SDK2: variants seen among roughly 807,000 people sequenced by gnomAD.
SDK2 encodes protein sidekick-2.
A neutral mutation model predicts 253.9 loss-of-function variants in SDK2; 105 were observed. That is an observed-to-expected ratio of 0.41 (90% CI 0.35 to 0.49). SDK2 has a LOEUF of 0.49. Among genes scored for constraint, SDK2 ranks in the 20% least tolerant of loss-of-function variants. The probability of loss-of-function intolerance (pLI) is 0.06; values close to 1 mark genes in which losing one functional copy is unlikely to be tolerated. For missense variants in SDK2, 2,608 were observed against 3,003.0 expected, an observed-to-expected ratio of 0.87 and a Z score of 3.07; for synonymous variants, 1,249 against 1,234.9, an observed-to-expected ratio of 1.01 and a Z score of -0.24.
chr17:73,390,634 T>C (rs1568378645), intron 28 of SDK2, among the ~76,000 whole-genome samples, 153 bp from the exon 29 acceptor site: 3 of 152,222 alleles, frequency 2.0e-5, no homozygotes, highest in Admixed American at 2.0e-4. Context: ...CTGAGGTCTC[T>C]GGGTCACTCT....
intron 1 of SDK2, among the ~76,000 whole-genome samples, chr17:73,549,474 C>T (rs187965391): frequency 4.9e-4 from 74 of 152,260 alleles, no homozygotes; most frequent in East Asian, 1.5e-3. Flanking sequence ...TGCTGGGAAT[C>T]GCAAACAAAG....
chr17:73,572,105 A>T (rs2045396817), intron 1 of SDK2, among the ~76,000 whole-genome samples: 2 of 152,174 alleles, frequency 1.3e-5, no homozygotes, highest in Admixed American at 1.3e-4. Context: ...CTCGGCATTC[A>T]GTGCAGGTGT....
chr17:73,391,857 G>A (rs1178145188), intron 27 of SDK2, among the ~76,000 whole-genome samples: 2 of 152,248 alleles, frequency 1.3e-5, no homozygotes, highest in Non-Finnish European at 2.9e-5. Context: ...CTGGATGGAT[G>A]CGTCAGTGCT....
rs138653621 is a variant in SDK2 at position 73,526,315 on chromosome 17, G to T, written c.65-18718C>A. On this transcript the variant is annotated intron_variant, in intron 1 of 44. Transcript: ENST00000392650. ...CACAGGGGCCGCAAGAGCAGGCCTG[G>T]GTGAGATGAACTCTGATTCAAGCCC... Among the ~76,000 whole-genome samples the T allele has an allele frequency of 8.9e-3, 1,350 of 152,302 alleles. 26 individuals are homozygous for T. Among genetic ancestry groups the T allele is most frequent in the African/African-American group, 0.031 (1,291 of 41,554 alleles).
chr17:73,382,074 G>T (rs554251878), intron 33 of SDK2, among the ~76,000 whole-genome samples: 5 of 152,040 alleles, frequency 3.3e-5, no homozygotes, highest in Non-Finnish European at 5.9e-5. Context: ...AAATTAGCTG[G>T]GCGTGGTAGT....
At chr17:73,474,413 G>A (rs1451322413) in intron 2 of SDK2, among the ~76,000 whole-genome samples, 1 of 152,212 alleles carries the variant, frequency 6.6e-6, no homozygotes, top group African/African-American at 2.4e-5. Context: ...TCCAAGCCTG[G>A]CTGTGAAGCT....
At chr17:73,436,579 A>G (rs1031720288) in intron 8 of SDK2, among the ~76,000 whole-genome samples, 1 of 135,680 alleles carries the variant, frequency 7.4e-6, no homozygotes, top group Admixed American at 7.2e-5. Context: ...TCAGTCTCAA[A>G]AAAAAAAAAA....
rs1211022423 is a variant in SDK2, at chr17:73,455,754, G to C, written c.479+152C>G. On this transcript the variant is annotated intron_variant, in intron 4 of 44. Coordinates refer to ENST00000392650, the MANE Select transcript of SDK2 (RefSeq NM_001144952.2). This position sits in a 1 kb window ranked among gnomAD's most constrained non-coding sequence, Gnocchi z 5.0. ...GCCTGTGCATCCTAAGAAAGCCCCT[G>C]GGAGGTCCCCTACCTGGCTGTGTCC... Among the ~76,000 whole-genome samples the C allele has an allele frequency of 6.6e-6, 1 of 152,192 alleles. No homozygotes were observed. Among genetic ancestry groups the C allele is most frequent in the Admixed American group, 6.5e-5 (1 of 15,284 alleles).
chr17:73,577,826 C>T (rs546140957), intron 1 of SDK2, among the ~76,000 whole-genome samples: 1 of 152,246 alleles, frequency 6.6e-6, no homozygotes, highest in East Asian at 1.9e-4. Flanking sequence ...CCTGTGAATA[C>T]GTTCTGTTAT....
Position 73,379,041 on chromosome 17 carries a change from G to A in SDK2, c.4980+136C>T. The A allele has an allele frequency of 1.5e-6, 1 of 657,370 alleles. No homozygotes were observed. The highest frequency in any genetic ancestry group is 2.6e-5 in the Admixed American group (1 of 38,162). 40.7% of individuals were successfully genotyped at this position (657,370 alleles called of 1,614,324 possible). On this transcript the variant is annotated intron_variant, in intron 36 of 44. Transcript: ENST00000392650. The surrounding 1 kb of genome is among the most constrained non-coding windows in gnomAD (Gnocchi z 4.5). Reference sequence around the variant, plus strand: ...GCCAAGGTGGCAGGTGTACCACAGAGCCTGAAGGGCCGAGGAGCTGGCTGG... The same window carrying A: ...GCCAAGGTGGCAGGTGTACCACAGAACCTGAAGGGCCGAGGAGCTGGCTGG...
chr17:73,394,391 C>A, intron 25 of SDK2, 67 bp from the exon 26 acceptor site: 1 of 1,079,568 alleles, frequency 9.3e-7, no homozygotes, highest in Non-Finnish European at 1.3e-6. Context: ...GGGAAGTGGA[C>A]CAGGACAGGG....
intron 10 of SDK2, among the ~76,000 whole-genome samples, chr17:73,432,499 A>G (rs2063333399): frequency 6.6e-6 from 1 of 152,092 alleles, no homozygotes; most frequent in African/African-American, 2.4e-5. Context: ...TGCCCCTATT[A>G]TCCCCACAAA....
intron 6 of SDK2, among the ~76,000 whole-genome samples, chr17:73,439,075 T>C (rs1273236166): frequency 6.6e-6 from 1 of 152,182 alleles, no homozygotes. Context: ...TGTTACCCAC[T>C]TGGTGATGGA....
rs113308877 is a variant in SDK2, at chr17:73,612,026, T to C, written c.64+31999A>G. ...CTCAGGAGGGAGCCCACATTACCCA[T>C]CAGCCGCCAGGGAAGTCTCCCCACA... On this transcript the variant is annotated intron_variant, in intron 1 of 44. Coordinates refer to ENST00000392650, the MANE Select transcript of SDK2 (RefSeq NM_001144952.2). The surrounding 1 kb of genome is among the most constrained non-coding windows in gnomAD (Gnocchi z 4.4). Among the ~76,000 whole-genome samples the C allele has an allele frequency of 3.3e-5, 5 of 152,242 alleles. 1 individual carries two copies. The highest frequency in any genetic ancestry group is 1.2e-4 in the African/African-American group (5 of 41,518).
intron 37 of SDK2, among the ~76,000 whole-genome samples, chr17:73,367,588 C>T (rs965980743): frequency 2.0e-5 from 3 of 152,008 alleles, no homozygotes; most frequent in Non-Finnish European, 2.9e-5. Context: ...CTGCAACCTC[C>T]ACCTCCCGGG....
intron 2 of SDK2, among the ~76,000 whole-genome samples, chr17:73,477,575 C>G (rs768036529): frequency 6.6e-6 from 1 of 152,190 alleles, no homozygotes; most frequent in Non-Finnish European, 1.5e-5. Context: ...GGGCATCCAG[C>G]GAGGCCGTGG....
At chr17:73,558,662 G>T (rs1223737789) in intron 1 of SDK2, among the ~76,000 whole-genome samples, 1 of 152,168 alleles carries the variant, frequency 6.6e-6, no homozygotes, top group African/African-American at 2.4e-5. Context: ...TCATTAGACA[G>T]ATGAAGAAAC....
intron 4 of SDK2, among the ~76,000 whole-genome samples, chr17:73,448,692 C>CTCTTGTTACCCAGGCTGAAGTGCAATG (rs2063471224): frequency 6.7e-6 from 1 of 149,306 alleles, no homozygotes; most frequent in Non-Finnish European, 1.5e-5. Context: ...CAGAGTTTTG[C>CTCTTGTTACCCAGGCTGAAGTGCAATG]TCTTGTTACC....
At chr17:73,422,745 G>A (rs1178909140) in intron 14 of SDK2, among the ~76,000 whole-genome samples, 2 of 152,132 alleles carry the variant, frequency 1.3e-5, no homozygotes, top group Non-Finnish European at 2.9e-5. Flanking sequence ...ATTCAGGCTG[G>A]GTGTGGTGGC....
Sources: allele counts gnomAD v4.1 joint callset (sites outside exome capture counted in the v4.1 genomes callset), GRCh38; gene constraint gnomAD v4.1.1; non-coding constraint Gnocchi (gnomAD v3.1); transcripts MANE v1.5; gene names NCBI Gene and HGNC (gene_info 2026-07-23, HGNC 2026-07-21).